ZNF846: variants seen among roughly 807,000 people sequenced by gnomAD.
ZNF846 encodes the protein zinc finger protein 846.
ZNF846 carries 15 observed loss-of-function variants against 16.0 expected under a neutral mutation model. The observed-to-expected ratio is 0.94, with a 90% CI of 0.63 to 1.45. ZNF846 has a LOEUF of 1.45. Among genes scored for constraint, ZNF846 ranks in the 40% most tolerant of loss-of-function variants. The pLI is 0.00. For missense variants in ZNF846, 714 were observed against 622.3 expected, an observed-to-expected ratio of 1.15 and a Z score of -1.57; for synonymous variants, 229 against 212.0, an observed-to-expected ratio of 1.08 and a Z score of -0.70.
At chr19:9,761,418 A>G (rs542787855) in intron 4 of ZNF846, among the ~76,000 whole-genome samples, 45 of 152,102 alleles carry the variant, frequency 3.0e-4, no homozygotes, top group Non-Finnish European at 4.7e-4. Context: ...AAGTTTTGCA[A>G]TGGTAAAGAT....
chr19:9,750,072 C>T (rs2045071844), downstream of ZNF846, among the ~76,000 whole-genome samples: 1 of 152,108 alleles, frequency 6.6e-6, no homozygotes, highest in South Asian at 2.1e-4. Flanking sequence ...TGTTCCTTTA[C>T]TCTTTATCTC....
At chr19:9,759,704 T>C (rs59670343) in intron 5 of ZNF846, among the ~76,000 whole-genome samples, 156 bp downstream of exon 5, 2,670 of 151,836 alleles carry the variant, frequency 0.018, 69 homozygotes, top group South Asian at 0.059. Flanking sequence ...AGAAATATGT[T>C]TGTAGTAAGT....
At chr19:9,774,509 AG>A (rs1369649120) in intron 1 of ZNF846, 7 of 1,110,724 alleles carry the variant, frequency 6.3e-6, no homozygotes, top group Admixed American at 1.7e-5. Flanking sequence ...GGCGGCCAGC[AG>A]GAGGCTGATT....
intron 1 of ZNF846, among the ~76,000 whole-genome samples, chr19:9,784,250 C>G (rs2045535384): frequency 6.6e-6 from 1 of 152,168 alleles, no homozygotes; most frequent in Non-Finnish European, 1.5e-5. Flanking sequence ...TGATCACTTT[C>G]TCTACTATCT....
chr19:9,763,178 G>C, intron 3 of ZNF846, 104 bp downstream of exon 3: 1 of 1,065,510 alleles, frequency 9.4e-7, no homozygotes, highest in Non-Finnish European at 1.3e-6. Flanking sequence ...CACTGGCCAA[G>C]GTCCATGCCT....
chr19:9,765,966 A>G (rs1418483803), intron 1 of ZNF846, among the ~76,000 whole-genome samples: 1 of 152,146 alleles, frequency 6.6e-6, no homozygotes, highest in Non-Finnish European at 1.5e-5. Flanking sequence ...ATGAAAACAA[A>G]GAATAAAAGA....
At chr19:9,775,452 A>T (rs1344178439) in intron 1 of ZNF846, among the ~76,000 whole-genome samples, 2 of 152,146 alleles carry the variant, frequency 1.3e-5, no homozygotes, top group African/African-American at 4.8e-5. Context: ...CTAGAAATAG[A>T]TCCAGGAACA....
At chr19:9,777,427 C>T (rs2045457501) in intron 1 of ZNF846, among the ~76,000 whole-genome samples, 1 of 151,934 alleles carries the variant, frequency 6.6e-6, no homozygotes, top group Non-Finnish European at 1.5e-5. Context: ...AATCCCAGCA[C>T]TTTTGGAGGT....
chr19:9,767,198 C>T (rs936092428), intron 1 of ZNF846, among the ~76,000 whole-genome samples: 10 of 151,994 alleles, frequency 6.6e-5, no homozygotes, highest in African/African-American at 1.7e-4. Context: ...TGCATTGCCA[C>T]GATCTCAGCT....
intron 2 of ZNF846, among the ~76,000 whole-genome samples, chr19:9,764,500 C>T (rs1392303644): frequency 6.6e-6 from 1 of 152,134 alleles, no homozygotes; most frequent in Admixed American, 6.6e-5. Flanking sequence ...TACTTCATCC[C>T]CATGTGACCA....
In ZNF846 at chr19:9,758,728, T is replaced by TA. The variant is rs1311056698; in HGVS notation, c.348dup (p.Asn117Ter). 1 of 1,598,494 alleles carries TA rather than the reference T, an allele frequency of 6.3e-7. No individual in the cohort carries two copies. The highest frequency in any genetic ancestry group is 1.7e-5 in the Admixed American group (1 of 57,946). On this transcript the variant is annotated frameshift_variant, in exon 6 of 6. Transcript: ENST00000397902. LOFTEE classifies it low-confidence loss of function (END_TRUNC). ...TCATTGAAGACTTTTCCAGAATGGTTAGAGTCATACAGTTTCTCTGCAGTA... is the reference window on the plus strand; with the variant it reads ...TCATTGAAGACTTTTCCAGAATGGTTAAGAGTCATACAGTTTCTCTGCAGTA...
intron 1 of ZNF846, among the ~76,000 whole-genome samples, chr19:9,779,362 G>A (rs936520468): frequency 2.0e-5 from 3 of 151,342 alleles, no homozygotes; most frequent in Admixed American, 6.6e-5. Flanking sequence ...TCCGCCTCCC[G>A]GGTTCAAGCG....
downstream of ZNF846, among the ~76,000 whole-genome samples, chr19:9,751,194 C>A (rs113694938): frequency 1.3e-5 from 2 of 152,032 alleles, no homozygotes; most frequent in East Asian, 1.9e-4. Flanking sequence ...CTCTATACAA[C>A]AAATGCTGCT....
downstream of ZNF846, chr19:9,756,345 G>GTATATATATATATA (rs369347660): frequency 1.0e-3 from 82 of 81,738 alleles, no homozygotes; most frequent in African/African-American, 2.4e-3. Flanking sequence ...GTGTGTGTGT[G>GTATATATATATATA]TATATATATA....
chr19:9,765,505 T>C (rs2045301069), intron 1 of ZNF846, among the ~76,000 whole-genome samples: 2 of 152,112 alleles, frequency 1.3e-5, no homozygotes, highest in African/African-American at 4.8e-5. Flanking sequence ...ACCCCGTCTC[T>C]ACTAAAGCTA....
At chr19:9,753,681 G>T (rs957011731), downstream of ZNF846, among the ~76,000 whole-genome samples, 1 of 151,734 alleles carries the variant, frequency 6.6e-6, no homozygotes. Context: ...GATAGATCAG[G>T]AGTGTGTTGC....
chr19:9,785,172 A>G (rs965440886), intron 1 of ZNF846, among the ~76,000 whole-genome samples: 3 of 140,056 alleles, frequency 2.1e-5, no homozygotes, highest in Non-Finnish European at 4.7e-5. Context: ...CACTACTGAG[A>G]CCCCACCCTG....
rs1367015793 is a variant in ZNF846, at chr19:9,763,308, TC to T, written c.115del (p.Glu39ArgfsTer9). The stretch of plus-strand genomic sequence containing the variant: ...TAGTATAATGAGATTCTTGTAGTTC[TC>T]CAACATCACATCTCTGTAGAGATCT... On this transcript the variant is annotated frameshift_variant, in exon 3 of 6. Coordinates refer to ENST00000397902, the Ensembl canonical transcript of ZNF846. LOFTEE classifies it high-confidence loss of function. 2.1e-5 allele frequency: 33 copies of T among 1,603,598 alleles called. No individual in the cohort carries two copies. Among genetic ancestry groups the T allele is most frequent in the Admixed American group, 3.4e-5 (2 of 58,520 alleles).
rs2045504500 is a variant in ZNF846 at position 9,781,804 on chromosome 19, G to A, written c.-86+4134C>T. On this transcript the variant is annotated intron_variant, in intron 1 of 4. Coordinates refer to the ZNF846 transcript ENST00000586814. ...TTTTTTTTTTTTTTTTTGAGATGGA[G>A]TGTCGCTCTTGTTGCCCAGGCTGGA... Among the ~76,000 whole-genome samples, 3 of 146,778 alleles carry A rather than the reference G, an allele frequency of 2.0e-5. No individual in the cohort carries two copies. The South Asian group carries it at 6.4e-4, about 31-fold the overall frequency.
Sources: gnomAD v4.1 joint callset for allele counts (sites outside exome capture counted in the v4.1 genomes callset) on GRCh38, gnomAD v4.1.1 for gene constraint, MANE v1.5 for transcripts, NCBI Gene and HGNC (gene_info 2026-07-23, HGNC 2026-07-21) for gene names.